The following FARP1 variants were observed in gnomAD, a reference collection of about 807,000 sequenced individuals.
The protein encoded by FARP1 is FERM, ARH/RhoGEF and pleckstrin domain protein 1, also known as FERM, ARHGEF and pleckstrin domain-containing protein 1.
FARP1 carries 52 observed loss-of-function variants against 128.8 expected under a neutral mutation model. The observed-to-expected ratio is 0.40, with a 90% CI of 0.32 to 0.51. The LOEUF (loss-of-function observed/expected upper bound fraction) is 0.51. Among genes scored for constraint, FARP1 ranks in the 20% least tolerant of loss-of-function variants. The pLI is 0.45. For missense variants in FARP1, 1,333 were observed against 1,367.9 expected, an observed-to-expected ratio of 0.97 and a Z score of 0.40; for synonymous variants, 580 against 551.8, an observed-to-expected ratio of 1.05 and a Z score of -0.72.
intron 1 of FARP1, among the ~76,000 whole-genome samples, chr13:98,149,029 G>A (rs1875780166): frequency 6.6e-6 from 1 of 152,082 alleles, no homozygotes; most frequent in South Asian, 2.1e-4. Flanking sequence ...TGGAACTACA[G>A]GCAAGCACCA....
chr13:98,152,146 C>T (rs1163770573), intron 1 of FARP1, among the ~76,000 whole-genome samples: 1 of 152,194 alleles, frequency 6.6e-6, no homozygotes, highest in Non-Finnish European at 1.5e-5. Flanking sequence ...CCCAAAATAT[C>T]ATCAAGGACA....
At chr13:98,265,623 C>G (rs1884079925) in intron 2 of FARP1, among the ~76,000 whole-genome samples, 2 of 152,262 alleles carry the variant, frequency 1.3e-5, no homozygotes, top group South Asian at 2.1e-4. Context: ...CCAGCCCTTC[C>G]TGAATTTATA....
chr13:98,304,071 C>T (rs192755086), intron 2 of FARP1, among the ~76,000 whole-genome samples: 7 of 152,186 alleles, frequency 4.6e-5, no homozygotes, highest in Admixed American at 2.0e-4. Context: ...CAATTATTAG[C>T]GAGGTTGCTG....
intron 1 of FARP1, among the ~76,000 whole-genome samples, chr13:98,169,375 C>T (rs1318348783): frequency 1.3e-5 from 2 of 152,208 alleles, no homozygotes; most frequent in African/African-American, 4.8e-5. Flanking sequence ...AACACATACA[C>T]CCGTAGCTTT....
At chr13:98,306,191 T>C (rs1160386342) in intron 2 of FARP1, among the ~76,000 whole-genome samples, 1 of 152,234 alleles carries the variant, frequency 6.6e-6, no homozygotes, top group Non-Finnish European at 1.5e-5. Context: ...TTGCATTGTG[T>C]TGTTGGGAGA....
At chr13:98,179,160 A>G (rs1196863094) in intron 1 of FARP1, among the ~76,000 whole-genome samples, 1 of 152,226 alleles carries the variant, frequency 6.6e-6, no homozygotes. Flanking sequence ...GTGGCTAGGG[A>G]GGTCTCACAA....
chr13:98,429,960 C>T (rs554175258), intron 17 of FARP1, among the ~76,000 whole-genome samples: 147 of 152,302 alleles, frequency 9.7e-4, no homozygotes, highest in Non-Finnish European at 1.7e-3. Context: ...GATTTCAGGC[C>T]GGGCGTGGTG....
intron 2 of FARP1, among the ~76,000 whole-genome samples, chr13:98,250,332 T>C (rs1214821057): frequency 1.3e-5 from 2 of 152,198 alleles, no homozygotes; most frequent in Non-Finnish European, 2.9e-5. Flanking sequence ...TTGTACATGA[T>C]TTGTTTCTTT....
chr13:98,420,550 G>A (rs1891556169), intron 16 of FARP1, among the ~76,000 whole-genome samples: 1 of 152,218 alleles, frequency 6.6e-6, no homozygotes, highest in South Asian at 2.1e-4. Flanking sequence ...CTTTGCTGAG[G>A]TGATGTGTAG....
rs185345486 is a variant in FARP1, at chr13:98,187,652, G to T, written c.-23-25568G>T. On this transcript the variant is annotated intron_variant, in intron 1 of 26. Transcript: ENST00000319562. The stretch of plus-strand genomic sequence containing the variant: ...GGTGATGAGAGCTGTGGAAGGCTTT[G>T]AGCAGGAGAGCAACATGGTTATAGC... 1.8e-3 allele frequency among the ~76,000 whole-genome samples: 274 copies of T among 152,316 alleles called. 1 individual carries two copies. Among genetic ancestry groups the T allele is most frequent in the Middle Eastern group, 3.4e-3 (1 of 294 alleles).
In FARP1 at chr13:98,232,144, G is replaced by GTT. The variant is rs1555329634; in HGVS notation, c.171+18731_171+18732insTT. Among the ~76,000 whole-genome samples, 528 of 111,538 alleles carry GTT rather than the reference G, an allele frequency of 4.7e-3. 28 individuals carry two copies. The highest frequency in any genetic ancestry group is 0.014 in the East Asian group (51 of 3,766). The allele number at this position is 111,538 out of a possible 152,430, so 73.2% of individuals were successfully genotyped here. A position where few individuals can be genotyped will look rare whatever the true frequency, so the allele number is the denominator to read the frequency against. On this transcript the variant is annotated intron_variant, in intron 2 of 26. Coordinates refer to ENST00000319562, the MANE Select transcript of FARP1 (RefSeq NM_005766.4). ...CGTGCCCGGCTTTTTTTGTTTGGTT[G>GTT]GTTTTTTTTTTTTTTTTTTTTTGCT...
intron 2 of FARP1, among the ~76,000 whole-genome samples, chr13:98,331,168 T>A (rs1341439249): frequency 6.6e-6 from 1 of 152,228 alleles, no homozygotes. Flanking sequence ...TTTTAAAAAA[T>A]GTGCTTAGTA....
intron 13 of FARP1, chr13:98,396,735 G>C (rs1410778913): frequency 2.8e-6 from 1 of 363,634 alleles, no homozygotes; most frequent in Non-Finnish European, 4.9e-6. Flanking sequence ...CTAATGACAA[G>C]TTCTCAGGAG....
At chr13:98,229,742 C>CT (rs1297185289) in intron 2 of FARP1, among the ~76,000 whole-genome samples, 5 of 131,078 alleles carry the variant, frequency 3.8e-5, no homozygotes, top group East Asian at 2.2e-4. Flanking sequence ...AGCTTCAGTT[C>CT]TTTTTTTTGT....
chr13:98,267,769 T>TTCCTGGGGCCTCTGA (rs1884197888), intron 2 of FARP1, among the ~76,000 whole-genome samples: 1 of 152,108 alleles, frequency 6.6e-6, no homozygotes, highest in Admixed American at 6.6e-5. Flanking sequence ...ACGTGCTGGG[T>TTCCTGGGGCCTCTGA]TCCTGGGGCC....
At chr13:98,365,296 A>G (rs2139964008) in intron 3 of FARP1, 99 bp from the exon 4 acceptor site, 1 of 923,668 alleles carries the variant, frequency 1.1e-6, no homozygotes, top group African/African-American at 1.7e-5. Context: ...CATATCCTCA[A>G]AAATATTTTG....
At chr13:98,214,057 G>A (rs1363321283) in intron 2 of FARP1, among the ~76,000 whole-genome samples, 6 of 152,304 alleles carry the variant, frequency 3.9e-5, no homozygotes, top group African/African-American at 1.4e-4. Flanking sequence ...GGGGCCGGAG[G>A]TGTCACAGGA....
At chr13:98,319,124 G>A (rs76469080) in intron 2 of FARP1, among the ~76,000 whole-genome samples, 5,855 of 151,492 alleles carry the variant, frequency 0.039, 190 homozygotes, top group African/African-American at 0.09. Context: ...CACCAGCCCC[G>A]TCCAGTTTTT....
At chr13:98,403,471 C>G (rs1416852813) in intron 13 of FARP1, 1 of 152,146 alleles carries the variant, frequency 6.6e-6, no homozygotes, top group Non-Finnish European at 1.5e-5. Flanking sequence ...GGGATAGAAA[C>G]CTTTACCTAT....
Sources: gnomAD v4.1 joint callset for allele counts (sites outside exome capture counted in the v4.1 genomes callset) on GRCh38, gnomAD v4.1.1 for gene constraint, MANE v1.5 for transcripts, NCBI Gene and HGNC (gene_info 2026-07-23, HGNC 2026-07-21) for gene names.